The following CSMD1 variants were observed in gnomAD, a reference collection of about 807,000 sequenced individuals.
The protein encoded by CSMD1 is CUB and sushi domain-containing protein 1.
In CSMD1, 213 loss-of-function variants were observed where a neutral mutation model predicts 417.5. That is an observed-to-expected ratio of 0.51 (90% CI 0.46 to 0.57). The LOEUF is 0.57. Among genes scored for constraint, CSMD1 ranks in the 20% least tolerant of loss-of-function variants. CSMD1 has a pLI of 0.00. For synonymous variants in CSMD1, 2,862 were observed against 1,736.8 expected (o/e 1.65, Z -16.11); for missense variants, 6,923 against 4,529.7 (o/e 1.53, Z -15.17).
At chr8:4,869,659 T>TA (rs1437149238) in intron 1 of CSMD1, among the ~76,000 whole-genome samples, 6 of 152,060 alleles carry the variant, frequency 3.9e-5, no homozygotes, top group African/African-American at 1.2e-4. Context: ...TACAGATTTT[T>TA]AAAAAACATT....
chr8:3,250,654 A>T (rs1488350426), intron 26 of CSMD1, among the ~76,000 whole-genome samples: 1 of 152,228 alleles, frequency 6.6e-6, no homozygotes, highest in Non-Finnish European at 1.5e-5. Flanking sequence ...ACAATCATTG[A>T]ACTAGTTTAT....
At chr8:4,133,326 T>C (rs1189391440) in intron 3 of CSMD1, among the ~76,000 whole-genome samples, 3 of 152,230 alleles carry the variant, frequency 2.0e-5, no homozygotes, top group Admixed American at 1.3e-4. Flanking sequence ...GGACAAATAA[T>C]GATAGACTTC....
At chr8:2,980,334 C>CTCCTCCTCCATT in intron 54 of CSMD1, among the ~76,000 whole-genome samples, 1 of 151,962 alleles carries the variant, frequency 6.6e-6, no homozygotes, top group African/African-American at 2.4e-5. Context: ...CCTCCTCCTC[C>CTCCTCCTCCATT]TCCTCCTCCA....
chr8:4,113,435 C>G (rs1420963554), intron 3 of CSMD1, among the ~76,000 whole-genome samples: 3 of 128,416 alleles, frequency 2.3e-5, no homozygotes, highest in Non-Finnish European at 4.6e-5. Flanking sequence ...GACAGTATCT[C>G]GCTCTGTCAC....
intron 3 of CSMD1, among the ~76,000 whole-genome samples, chr8:4,133,712 A>AC (rs1803248659): frequency 1.4e-4 from 1 of 7,004 alleles, no homozygotes; most frequent in African/African-American, 1.5e-4. Context: ...ATAAAGTGTA[A>AC]TCTCAAGACT....
At chr8:3,492,019 G>C (rs536509258) in intron 11 of CSMD1, among the ~76,000 whole-genome samples, 149 of 152,304 alleles carry the variant, frequency 9.8e-4, no homozygotes, top group African/African-American at 3.2e-3. Context: ...CAAATGGGAG[G>C]GGTAGGAAGG....
At chr8:4,588,686 G>C (rs984073297) in intron 2 of CSMD1, among the ~76,000 whole-genome samples, 1 of 151,936 alleles carries the variant, frequency 6.6e-6, no homozygotes, top group Non-Finnish European at 1.5e-5. Context: ...TCAAGAGGCT[G>C]AGGCACAAGA....
At chr8:3,884,429 G>C (rs2948659) in intron 5 of CSMD1, among the ~76,000 whole-genome samples, 30,512 of 152,108 alleles carry the variant, frequency 0.2, 3,328 homozygotes, top group East Asian at 0.29. Context: ...AAGGGACACA[G>C]AAAGACACCA....
chr8:4,819,065 G>A (rs1799371984), intron 1 of CSMD1, among the ~76,000 whole-genome samples: 2 of 152,194 alleles, frequency 1.3e-5, no homozygotes, highest in Admixed American at 6.5e-5. Context: ...TGGAAGAGCA[G>A]CTCAGCAACA....
intron 2 of CSMD1, among the ~76,000 whole-genome samples, chr8:4,625,120 G>T (rs1420940667): frequency 6.6e-6 from 1 of 152,050 alleles, no homozygotes. Flanking sequence ...GATGACAAGA[G>T]AACTATGACA....
At chr8:4,304,579 T>G (rs1422354151) in intron 3 of CSMD1, among the ~76,000 whole-genome samples, 3 of 152,104 alleles carry the variant, frequency 2.0e-5, no homozygotes, top group Non-Finnish European at 2.9e-5. Flanking sequence ...TAAAATTGCT[T>G]TGAAATGTCA....
chr8:4,192,588 G>C (rs568734708), intron 3 of CSMD1, among the ~76,000 whole-genome samples: 7 of 152,270 alleles, frequency 4.6e-5, no homozygotes, highest in East Asian at 1.9e-4. Flanking sequence ...CTCTTCATCA[G>C]CTTTGCCCTA....
intron 10 of CSMD1, among the ~76,000 whole-genome samples, chr8:3,524,516 C>A (rs751793485): frequency 6.6e-6 from 1 of 151,266 alleles, no homozygotes; most frequent in South Asian, 2.1e-4. Context: ...CAGATGCACA[C>A]ATGCAAAGAC....
intron 12 of CSMD1, among the ~76,000 whole-genome samples, chr8:3,463,320 G>C (rs746346749): frequency 3.9e-5 from 6 of 152,080 alleles, no homozygotes; most frequent in African/African-American, 1.4e-4. Context: ...AGGATAATTT[G>C]TCATAGACTT....
chr8:3,389,953 G>T (rs1418370049), intron 17 of CSMD1, among the ~76,000 whole-genome samples: 1 of 152,140 alleles, frequency 6.6e-6, no homozygotes, highest in Non-Finnish European at 1.5e-5. Context: ...GAGAGTACAG[G>T]ACGGGAGGAC....
intron 26 of CSMD1, among the ~76,000 whole-genome samples, chr8:3,268,237 G>A (rs895758796): frequency 1.7e-4 from 24 of 138,488 alleles, no homozygotes; most frequent in African/African-American, 4.6e-4. Flanking sequence ...TGCACACAAT[G>A]AGGCCAGGGC....
rs1055244161 is a variant in CSMD1, at chr8:3,405,911, G to A, written c.2266+116C>T. The stretch of plus-strand genomic sequence containing the variant: ...ACTCCTGTTGGTTAAGTGACTGTGT[G>A]TGGTATTTTGTTAGGGCAGCCCTAG... On this transcript the variant is annotated intron_variant, in intron 15 of 69. Transcript: ENST00000635120. 5.5e-5 allele frequency: 49 copies of A among 888,170 alleles called. No individual in the cohort carries two copies. In the African/African-American group the frequency reaches 7.5e-4, roughly 14 times the overall value. The allele number at this position is 888,170 out of a possible 1,614,324, so 55.0% of individuals were successfully genotyped here. A position where few individuals can be genotyped will look rare whatever the true frequency, so the allele number is the denominator to read the frequency against.
At chr8:3,566,667 A>G (rs1307688337) in intron 10 of CSMD1, among the ~76,000 whole-genome samples, 1 of 152,250 alleles carries the variant, frequency 6.6e-6, no homozygotes, top group Non-Finnish European at 1.5e-5. Flanking sequence ...GCTAAGAAGC[A>G]TATTAAAAAA....
At chr8:3,284,060 C>G in intron 26 of CSMD1, 84 bp downstream of exon 26, 5 of 1,125,456 alleles carry the variant, frequency 4.4e-6, no homozygotes, top group Non-Finnish European at 6.6e-6. Context: ...TAAGGAGACG[C>G]TGGTGAATAT....
Sources: gnomAD v4.1 joint callset for allele counts (sites outside exome capture counted in the v4.1 genomes callset) on GRCh38, gnomAD v4.1.1 for gene constraint, MANE v1.5 for transcripts, NCBI Gene and HGNC (gene_info 2026-07-23, HGNC 2026-07-21) for gene names.